Variants in BAIAP2L1 observed in about 807,000 individuals in gnomAD.
The protein encoded by BAIAP2L1 is BAR/IMD domain-containing adapter protein 2-like 1.
In BAIAP2L1, 35 loss-of-function variants were observed where a neutral mutation model predicts 66.3. That is an observed-to-expected ratio of 0.53 (90% confidence interval 0.40 to 0.70). The LOEUF (loss-of-function observed/expected upper bound fraction) is 0.70, where lower values mean the gene tolerates loss of function less well. Ranked by LOEUF, BAIAP2L1 falls within the 30% of genes least tolerant of loss-of-function variation. The probability of loss-of-function intolerance (pLI) is 0.00; values close to 1 mark genes in which losing one functional copy is unlikely to be tolerated. For missense variants in BAIAP2L1, 622 were observed against 656.9 expected, an observed-to-expected ratio of 0.95 and a Z score of 0.58; for synonymous variants, 269 against 248.7, an observed-to-expected ratio of 1.08 and a Z score of -0.77.
chr7:98,361,490 A>T (rs1357337476), intron 2 of BAIAP2L1, among the ~76,000 whole-genome samples: 1 of 152,006 alleles, frequency 6.6e-6, no homozygotes, highest in East Asian at 1.9e-4. Context: ...GCGGTGGGAG[A>T]GGGTGAAACT....
Position 98,348,525 on chromosome 7 carries a change from C to T in BAIAP2L1, c.214+6517G>A, listed in dbSNP as rs533208677. 1.6e-4 allele frequency among the ~76,000 whole-genome samples: 24 copies of T among 149,914 alleles called. No individual in the cohort carries two copies. In the East Asian group the frequency reaches 4.7e-3, roughly 29 times the overall value. On this transcript the variant is annotated intron_variant, in intron 3 of 13. Coordinates refer to ENST00000005260, the MANE Select transcript of BAIAP2L1 (RefSeq NM_018842.5). ...GAGGTTGCAGTGAGCCGAGATTGCA[C>T]CACTGCACTTCAGCCTGGGCAACAG...
At position 98,317,328 on chromosome 7, in the gene BAIAP2L1, T is replaced by TAG; in HGVS notation, c.376_377insCT (p.His126ProfsTer6). On this transcript the variant is annotated frameshift_variant, in exon 6 of 14. Transcript: ENST00000005260. LOFTEE classifies it high-confidence loss of function. ...CTCCAAAGACTCTAATTTATTCTTG[T>TAG]GTTCTGTTTGGTATCTTTTTAGAGT... is the stretch of plus-strand genomic sequence containing the variant. 1 of 1,614,186 alleles carries TAG rather than the reference T, an allele frequency of 6.2e-7. No homozygotes were observed. The highest frequency in any genetic ancestry group is 8.5e-7 in the Non-Finnish European group (1 of 1,180,026).
Position 98,315,535 on chromosome 7 carries a change from T to C in BAIAP2L1, c.564A>G (p.Glu188=). The C allele has an allele frequency of 6.6e-7, 1 of 1,523,154 alleles. No homozygotes were observed. Among genetic ancestry groups the C allele is most frequent in the Non-Finnish European group, 8.9e-7 (1 of 1,127,260 alleles). The allele number at this position is 1,523,154 out of a possible 1,614,324, so 94.4% of individuals were successfully genotyped here. Residue 188 remains glutamate, a synonymous_variant, in exon 7 of 14, where the codon GAA becomes GAG. Transcript: ENST00000005260. ...CCAGAAAGCAGAAGCGCCTCTTCTC[T>C]TCAAGCAGAGCCTCTTTGCAACCAT... ...IADGCKEALL[E]EKRRFCFLVD...
At chr7:98,380,078 CTT>C (rs113115306) in intron 1 of BAIAP2L1, among the ~76,000 whole-genome samples, 50 of 140,082 alleles carry the variant, frequency 3.6e-4, no homozygotes, top group Non-Finnish European at 2.7e-4. Context: ...CTCAAAAATG[CTT>C]TTTTTTTTTT....
chr7:98,316,501 G>A (rs1004924799), intron 6 of BAIAP2L1, among the ~76,000 whole-genome samples: 1 of 152,148 alleles, frequency 6.6e-6, no homozygotes, highest in Non-Finnish European at 1.5e-5. Flanking sequence ...ACAGCCTTCA[G>A]CTCTCAGTCA....
At chr7:98,342,953 T>C (rs923435564) in intron 3 of BAIAP2L1, among the ~76,000 whole-genome samples, 4 of 151,798 alleles carry the variant, frequency 2.6e-5, no homozygotes, top group African/African-American at 9.7e-5. Flanking sequence ...CTGAACTGTG[T>C]ACAGGTAATG....
chr7:98,292,221 A>T lies in BAIAP2L1; in HGVS notation c.*1300T>A, dbSNP rs1132971. On this transcript the variant is annotated 3_prime_UTR_variant, in exon 14 of 14. Coordinates refer to ENST00000005260, the MANE Select transcript of BAIAP2L1 (RefSeq NM_018842.5). ...TTATGGCAAGGCTAAAGGAGAGGGGATAAGTCACAGCCCCAGCACCCAGCA... is the reference window on the plus strand; with the variant it reads ...TTATGGCAAGGCTAAAGGAGAGGGGTTAAGTCACAGCCCCAGCACCCAGCA... 3.0e-5 allele frequency: 6 copies of T among 203,042 alleles called. No homozygotes were observed. The highest frequency in any genetic ancestry group is 5.1e-5 in the Non-Finnish European group (5 of 97,852). 12.6% of individuals were successfully genotyped at this position (203,042 alleles called of 1,614,324 possible).
At chr7:98,381,844 C>T (rs1802766466) in intron 1 of BAIAP2L1, among the ~76,000 whole-genome samples, 1 of 151,842 alleles carries the variant, frequency 6.6e-6, no homozygotes, top group Non-Finnish European at 1.5e-5. Flanking sequence ...CAACTGTTCA[C>T]ATCTTCTGGA....
At chr7:98,393,825 C>T (rs566538979) in intron 1 of BAIAP2L1, among the ~76,000 whole-genome samples, 3 of 149,664 alleles carry the variant, frequency 2.0e-5, no homozygotes, top group Admixed American at 6.7e-5. Flanking sequence ...TTGGACCAGG[C>T]GCAGTGAGGG....
chr7:98,385,433 T>C (rs1802863702), intron 1 of BAIAP2L1, among the ~76,000 whole-genome samples: 1 of 152,128 alleles, frequency 6.6e-6, no homozygotes. Context: ...CATTTCTTTT[T>C]CTTTTGAGAC....
intron 3 of BAIAP2L1, among the ~76,000 whole-genome samples, chr7:98,340,503 G>A (rs1413375565): frequency 6.6e-6 from 1 of 151,974 alleles, no homozygotes. Flanking sequence ...TAGCCAGGAT[G>A]GTCTCGATCT....
At chr7:98,306,014 G>T (rs547890527) in intron 11 of BAIAP2L1, among the ~76,000 whole-genome samples, 1 of 152,294 alleles carries the variant, frequency 6.6e-6, no homozygotes, top group African/African-American at 2.4e-5. Flanking sequence ...GGTGCAAAGA[G>T]CTGGTGAGGC....
intron 7 of BAIAP2L1, among the ~76,000 whole-genome samples, chr7:98,315,044 C>CT (rs1209391620): frequency 1.3e-5 from 2 of 152,210 alleles, no homozygotes; most frequent in African/African-American, 4.8e-5. Context: ...TCTCTGGAAT[C>CT]TTTTCATTGG....
chr7:98,338,123 A>G (rs1442564673), intron 3 of BAIAP2L1, among the ~76,000 whole-genome samples: 3 of 152,038 alleles, frequency 2.0e-5, no homozygotes, highest in Non-Finnish European at 4.4e-5. Flanking sequence ...GTTCACAATC[A>G]TCTTCGTTAC....
At chr7:98,396,706 C>T (rs1464997900) in intron 1 of BAIAP2L1, among the ~76,000 whole-genome samples, 2 of 152,034 alleles carry the variant, frequency 1.3e-5, no homozygotes, top group African/African-American at 4.8e-5. Flanking sequence ...GAGAATTGCT[C>T]GAAAGTGGGA....
At chr7:98,364,164 A>C (rs554598350) in intron 1 of BAIAP2L1, among the ~76,000 whole-genome samples, 1 of 152,278 alleles carries the variant, frequency 6.6e-6, no homozygotes, top group East Asian at 1.9e-4. Flanking sequence ...TTTGCTGATG[A>C]AACTATAGTC....
At chr7:98,328,250 G>C (rs940161231) in intron 3 of BAIAP2L1, among the ~76,000 whole-genome samples, 1 of 152,254 alleles carries the variant, frequency 6.6e-6, no homozygotes, top group East Asian at 1.9e-4. Context: ...CACCACGAAA[G>C]GGAAAAGACT....
chr7:98,304,502 TCACA>T (rs113102084), intron 11 of BAIAP2L1, 126 bp from the exon 12 acceptor site: 1 of 948,572 alleles, frequency 1.1e-6, no homozygotes. Flanking sequence ...GATCTTGATC[TCACA>T]CACACAGACA....
intron 1 of BAIAP2L1, 40 bp from the exon 2 acceptor site, chr7:98,362,472 A>T (rs1474967935): frequency 6.4e-7 from 1 of 1,556,362 alleles, no homozygotes; most frequent in Admixed American, 1.8e-5. Context: ...TAAAATAAAA[A>T]ATAAACCAAG....
Sources: allele counts gnomAD v4.1 joint callset (sites outside exome capture counted in the v4.1 genomes callset), GRCh38; gene constraint gnomAD v4.1.1; transcripts MANE v1.5; gene names NCBI Gene and HGNC (gene_info 2026-07-23, HGNC 2026-07-21).